Variants in GSE1 observed in about 807,000 individuals in gnomAD.
GSE1 encodes Gse1 coiled-coil protein.
GSE1 carries 32 observed loss-of-function variants against 112.6 expected under a neutral mutation model. That is an observed-to-expected ratio of 0.28 (90% CI 0.21 to 0.38). GSE1 has a LOEUF of 0.38. Ranked by LOEUF, GSE1 falls within the 10% of genes least tolerant of loss-of-function variation. The pLI is 1.00. For synonymous variants in GSE1, 1,115 were observed against 735.6 expected (o/e 1.52, Z -8.35); for missense variants, 2,348 against 1,699.2 (o/e 1.38, Z -6.71).
chr16:85,232,102 C>A (rs1904293062), intron 1 of GSE1, among the ~76,000 whole-genome samples: 1 of 152,224 alleles, frequency 6.6e-6, no homozygotes, highest in South Asian at 2.1e-4. Flanking sequence ...GCCTTCCTGG[C>A]AGGCAGACCA....
At chr16:85,206,158 C>A (rs558693465) in intron 1 of GSE1, among the ~76,000 whole-genome samples, 1 of 141,364 alleles carries the variant, frequency 7.1e-6, no homozygotes, top group Non-Finnish European at 1.5e-5. Flanking sequence ...GGGAGTGAAC[C>A]GGGCACGGGA....
intron 2 of GSE1, among the ~76,000 whole-genome samples, chr16:85,644,957 C>T (rs1041359322): frequency 6.6e-6 from 1 of 151,922 alleles, no homozygotes; most frequent in African/African-American, 2.4e-5. Context: ...TACAGAAAAG[C>T]GCCTAGACTG....
At chr16:85,305,759 A>G (rs909650802) in intron 1 of GSE1, among the ~76,000 whole-genome samples, 1 of 152,112 alleles carries the variant, frequency 6.6e-6, no homozygotes, top group African/African-American at 2.4e-5. Context: ...TACAGGCGTG[A>G]GTCACTGCAC....
At chr16:85,278,785 C>T (rs1248903654) in intron 1 of GSE1, 1 of 164,682 alleles carries the variant, frequency 6.1e-6, no homozygotes, top group East Asian at 1.7e-4. Context: ...ACTTTTAGGT[C>T]AACCCAAGAA....
intron 1 of GSE1, among the ~76,000 whole-genome samples, chr16:85,253,697 GA>G (rs1173632188): frequency 2.0e-5 from 3 of 152,256 alleles, no homozygotes; most frequent in Admixed American, 6.5e-5. Flanking sequence ...CCTGGAGGAA[GA>G]GTTAGCCAGG....
At chr16:85,402,627 C>G (rs983996551) in intron 2 of GSE1, among the ~76,000 whole-genome samples, 1 of 152,180 alleles carries the variant, frequency 6.6e-6, no homozygotes, top group African/African-American at 2.4e-5. Flanking sequence ...GGCTGCCTAA[C>G]AGATTGCCCC....
chr16:85,325,303 G>C (rs374863869), intron 1 of GSE1, among the ~76,000 whole-genome samples: 2 of 152,144 alleles, frequency 1.3e-5, no homozygotes, highest in Non-Finnish European at 2.9e-5. Context: ...TTAGTGGCGA[G>C]GGGGGCAGGC....
intron 1 of GSE1, among the ~76,000 whole-genome samples, chr16:85,338,881 C>T (rs941234733): frequency 1.3e-5 from 2 of 152,308 alleles, no homozygotes; most frequent in East Asian, 1.9e-4. Flanking sequence ...GCGTTACTCT[C>T]GTGATACTGC....
At chr16:85,512,406 C>T (rs1200253719) in intron 2 of GSE1, among the ~76,000 whole-genome samples, 2 of 152,164 alleles carry the variant, frequency 1.3e-5, no homozygotes, top group South Asian at 2.1e-4. Flanking sequence ...CCACACTCGC[C>T]GTGCTTCTGC....
At chr16:85,553,253 G>A (rs2045018855), upstream of GSE1, among the ~76,000 whole-genome samples, 1 of 149,612 alleles carries the variant, frequency 6.7e-6, no homozygotes, top group Non-Finnish European at 1.5e-5. Context: ...GGGGCAGGGA[G>A]GGCAGGTGCC....
At chr16:85,187,731 C>T (rs1446184329) in intron 1 of GSE1, among the ~76,000 whole-genome samples, 1 of 152,200 alleles carries the variant, frequency 6.6e-6, no homozygotes, top group Non-Finnish European at 1.5e-5. Flanking sequence ...GCTCCTCACC[C>T]ACACACAGGG....
intron 1 of GSE1, among the ~76,000 whole-genome samples, chr16:85,614,916 G>A (rs891326336): frequency 6.6e-6 from 1 of 152,116 alleles, no homozygotes; most frequent in Non-Finnish European, 1.5e-5. Context: ...AAGCGAACCC[G>A]CCTAAGCCGA....
At chr16:85,279,908 C>G (rs1192815182) in intron 1 of GSE1, among the ~76,000 whole-genome samples, 1 of 152,160 alleles carries the variant, frequency 6.6e-6, no homozygotes, top group South Asian at 2.1e-4. Context: ...CGTCATTAGC[C>G]GGGGAGATGG....
intron 1 of GSE1, among the ~76,000 whole-genome samples, chr16:85,230,723 A>G (rs1009573879): frequency 6.6e-6 from 1 of 152,236 alleles, no homozygotes; most frequent in Non-Finnish European, 1.5e-5. Context: ...CCGTGTGTAT[A>G]AAGGGGGAAA....
intron 1 of GSE1, among the ~76,000 whole-genome samples, chr16:85,220,001 A>G (rs1193575166): frequency 6.6e-6 from 1 of 152,186 alleles, no homozygotes; most frequent in Non-Finnish European, 1.5e-5. Flanking sequence ...CAGCTGCTTC[A>G]GGTGGGCGCT....
At chr16:85,597,389 A>T (rs2047278994) in intron 1 of GSE1, among the ~76,000 whole-genome samples, 1 of 151,596 alleles carries the variant, frequency 6.6e-6, no homozygotes, top group Non-Finnish European at 1.5e-5. Context: ...AAAAAAAAAA[A>T]AAAAAAAAAG....
intron 1 of GSE1, among the ~76,000 whole-genome samples, chr16:85,297,387 A>G (rs2045397900): frequency 6.6e-6 from 1 of 152,254 alleles, no homozygotes; most frequent in Non-Finnish European, 1.5e-5. Flanking sequence ...AAGCATCTGT[A>G]AATCCCTTAG....
In GSE1 at chr16:85,656,365, A is replaced by AGGCGGGAGAGGGAGCGCGAGCGCG. The variant is rs2051933597; in HGVS notation, c.1013_1036dup (p.Arg345_Glu346insGlyArgGluArgGluArgGluArg). ...CAGGCTGCAGATGGACGAGGAGCTA[A>AGGCGGGAGAGGGAGCGCGAGCGCG]GGCGGGAGAGGGAGCGCGAGCGCGA... On this transcript the variant is annotated inframe_insertion, in exon 7 of 16. Transcript: ENST00000253458. The AGGCGGGAGAGGGAGCGCGAGCGCG allele has an allele frequency of 1.2e-6, 2 of 1,602,806 alleles. No individual in the cohort carries two copies. The highest frequency in any genetic ancestry group is 2.3e-5 in the East Asian group (1 of 44,114).
At chr16:85,365,374 C>T (rs751800434) in intron 2 of GSE1, among the ~76,000 whole-genome samples, 4 of 152,362 alleles carry the variant, frequency 2.6e-5, no homozygotes, top group East Asian at 3.9e-4. Flanking sequence ...TCCTGCACTC[C>T]GCCTCCACCT....
Sources: allele counts gnomAD v4.1 joint callset (sites outside exome capture counted in the v4.1 genomes callset), GRCh38; gene constraint gnomAD v4.1.1; transcripts MANE v1.5; gene names NCBI Gene and HGNC (gene_info 2026-07-23, HGNC 2026-07-21).